VMP1: variants seen among roughly 807,000 people sequenced by gnomAD.
VMP1 encodes the protein ectopic P-granules autophagy protein 3 homolog.
Under a neutral mutation model 56.0 loss-of-function variants are expected in VMP1, and 11 were observed. That is an observed-to-expected ratio of 0.20 (90% confidence interval 0.12 to 0.32). The LOEUF (loss-of-function observed/expected upper bound fraction) is 0.32, where lower values mean the gene tolerates loss of function less well. VMP1 is among the 10% of genes least tolerant of loss of function. The pLI is 1.00. For missense variants in VMP1, 296 were observed against 490.3 expected (o/e 0.60, Z 3.74); for synonymous variants, 149 against 165.0 (o/e 0.90, Z 0.74).
In VMP1 at chr17:59,764,956, G is replaced by A; in HGVS notation, c.415-15G>A. 1 of 1,501,358 alleles carries A rather than the reference G, an allele frequency of 6.7e-7. No individual in the cohort carries two copies. The highest frequency in any genetic ancestry group is 8.9e-7 in the Non-Finnish European group (1 of 1,124,288). The allele number at this position is 1,501,358 out of a possible 1,614,324, so 93.0% of individuals were successfully genotyped here. ...TAATAGTTCTTATCAGAAGTTTCTT[G>A]TATTTGTTTTATAGGGTCCACATAT... On this transcript the variant is annotated splice_polypyrimidine_tract_variant and intron_variant, in intron 5 of 11. Transcript: ENST00000262291.
At chr17:59,714,686 G>T (rs1203390128) in intron 1 of VMP1, among the ~76,000 whole-genome samples, 2 of 152,104 alleles carry the variant, frequency 1.3e-5, no homozygotes, top group Non-Finnish European at 2.9e-5. Context: ...AGGGCTTTGA[G>T]CCAGGATCTC....
intron 5 of VMP1, among the ~76,000 whole-genome samples, chr17:59,751,610 G>C (rs930711060): frequency 4.0e-5 from 6 of 148,834 alleles, no homozygotes; most frequent in Non-Finnish European, 8.9e-5. Flanking sequence ...GGCGTGGTGG[G>C]GGGGGCGCCT....
At chr17:59,724,146 A>G (rs1178785305) in intron 1 of VMP1, among the ~76,000 whole-genome samples, 1 of 149,932 alleles carries the variant, frequency 6.7e-6, no homozygotes, top group Non-Finnish European at 1.5e-5. Flanking sequence ...CAGGAGGTCG[A>G]GGGTGCAGTA....
At chr17:59,733,218 G>C (rs574834915) in intron 2 of VMP1, among the ~76,000 whole-genome samples, 2 of 151,946 alleles carry the variant, frequency 1.3e-5, no homozygotes, top group African/African-American at 4.8e-5. Context: ...TATTATGGCT[G>C]CTTAGTTTTT....
intron 11 of VMP1, chr17:59,839,115 C>G (rs546605414): frequency 1.3e-5 from 2 of 153,374 alleles, no homozygotes; most frequent in South Asian, 4.1e-4. Flanking sequence ...CTGCCTCAGC[C>G]TCCCAAGTAG....
intron 7 of VMP1, among the ~76,000 whole-genome samples, chr17:59,795,591 G>C (rs1018270088): frequency 6.6e-6 from 1 of 151,702 alleles, no homozygotes; most frequent in Non-Finnish European, 1.5e-5. Flanking sequence ...CAAAGGATCA[G>C]CTGAGCTCAG....
At chr17:59,820,255 C>G (rs762909041) in intron 10 of VMP1, among the ~76,000 whole-genome samples, 4 of 152,176 alleles carry the variant, frequency 2.6e-5, no homozygotes, top group Admixed American at 6.6e-5. Context: ...TCTCCCACCA[C>G]TGGTCTTTGC....
intron 10 of VMP1, among the ~76,000 whole-genome samples, chr17:59,836,883 A>G (rs542979029): frequency 2.2e-4 from 34 of 152,234 alleles, no homozygotes; most frequent in Non-Finnish European, 3.7e-4. Flanking sequence ...TTTTTGTTAT[A>G]AAAAGCAGCA....
chr17:59,841,230 G>A lies in VMP1; in HGVS notation c.*1319G>A. ...TCCTGCCTGACTGTCTGCTTGTTTT[G>A]CCTACCATCGTGACATCTCCATGGC... On this transcript the variant is annotated 3_prime_UTR_variant, in exon 12 of 12. Transcript: ENST00000262291. 2.2e-6 allele frequency: 1 copy of A among 460,230 alleles called. No homozygotes were observed. Among genetic ancestry groups the A allele is most frequent in the Non-Finnish European group, 4.8e-6 (1 of 209,924 alleles). The allele number at this position is 460,230 out of a possible 1,614,324, so 28.5% of individuals were successfully genotyped here.
chr17:59,712,035 A>G (rs578005233), intron 1 of VMP1, among the ~76,000 whole-genome samples: 2 of 152,166 alleles, frequency 1.3e-5, no homozygotes, highest in African/African-American at 2.4e-5. Flanking sequence ...ACTTCTTGCT[A>G]TCTCAGTTTC....
chr17:59,766,330 C>A lies in VMP1; in HGVS notation c.582+1192C>A, dbSNP rs956461703. Among the ~76,000 whole-genome samples, 8 of 152,198 alleles carry A rather than the reference C, an allele frequency of 5.3e-5. No homozygotes were observed. In the East Asian group the frequency reaches 1.5e-3, roughly 29 times the overall value. The stretch of plus-strand genomic sequence containing the variant: ...ATCAGCCTGGTCAACATGGTGAAAC[C>A]CTGCCTCTACTAAAAATACACAGAT... On this transcript the variant is annotated intron_variant, in intron 6 of 11. Coordinates refer to ENST00000262291, the MANE Select transcript of VMP1 (RefSeq NM_030938.5).
At chr17:59,813,924 G>T (rs2038138966) in intron 9 of VMP1, among the ~76,000 whole-genome samples, 2 of 152,116 alleles carry the variant, frequency 1.3e-5, no homozygotes, top group South Asian at 4.1e-4. Context: ...ATTTCAGAAA[G>T]ATTTAAAACT....
intron 10 of VMP1, among the ~76,000 whole-genome samples, chr17:59,835,663 T>C (rs1449985434): frequency 6.6e-6 from 1 of 151,002 alleles, no homozygotes; most frequent in Non-Finnish European, 1.5e-5. Flanking sequence ...GCTAATTTTG[T>C]ATTTTTAGTA....
chr17:59,812,423 G>A (rs1194953094), intron 9 of VMP1, among the ~76,000 whole-genome samples: 3 of 152,156 alleles, frequency 2.0e-5, no homozygotes, highest in Non-Finnish European at 4.4e-5. Context: ...TGGAGGGTGT[G>A]TGCATGTGTA....
intron 5 of VMP1, among the ~76,000 whole-genome samples, chr17:59,754,156 C>T (rs147016549): frequency 6.6e-6 from 1 of 152,138 alleles, no homozygotes; most frequent in African/African-American, 2.4e-5. Context: ...TACATTTACC[C>T]TGAAGTACAG....
At chr17:59,816,951 A>T (rs2038256916) in intron 9 of VMP1, among the ~76,000 whole-genome samples, 1 of 148,100 alleles carries the variant, frequency 6.8e-6, no homozygotes, top group South Asian at 2.1e-4. Flanking sequence ...GTCTCAAAAA[A>T]AAAAAAAGAA....
At chr17:59,835,873 T>C in intron 10 of VMP1, among the ~76,000 whole-genome samples, 1 of 148,430 alleles carries the variant, frequency 6.7e-6, no homozygotes. Flanking sequence ...TATATATATT[T>C]AATATATTAA....
chr17:59,784,136 T>TGAGAGAGA (rs1182813441), intron 7 of VMP1, among the ~76,000 whole-genome samples: 10 of 136,248 alleles, frequency 7.3e-5, no homozygotes, highest in African/African-American at 3.1e-4. Context: ...TGTGTGTGTG[T>TGAGAGAGA]GTGTGTGAGA....
chr17:59,832,434 G>A (rs933445168), intron 10 of VMP1, among the ~76,000 whole-genome samples: 1 of 151,484 alleles, frequency 6.6e-6, no homozygotes, highest in Non-Finnish European at 1.5e-5. Flanking sequence ...GTTTTTCTAA[G>A]GCTTTCTCAC....
Sources: allele counts gnomAD v4.1 joint callset (sites outside exome capture counted in the v4.1 genomes callset), GRCh38; gene constraint gnomAD v4.1.1; transcripts MANE v1.5; gene names NCBI Gene and HGNC (gene_info 2026-07-23, HGNC 2026-07-21).